Variants in PDE1A observed in about 807,000 individuals in gnomAD.
PDE1A encodes the protein dual specificity calcium/calmodulin-dependent 3',5'-cyclic nucleotide phosphodiesterase 1A.
In PDE1A, 35 loss-of-function variants were observed where a neutral mutation model predicts 61.7. That is an observed-to-expected ratio of 0.57 (90% CI 0.43 to 0.75). PDE1A has a LOEUF of 0.75. PDE1A is among the 30% of genes least tolerant of loss of function. The pLI is 0.00. For synonymous variants in PDE1A, 232 were observed against 213.2 expected (o/e 1.09, Z -0.77); for missense variants, 597 against 630.6 (o/e 0.95, Z 0.57).
chr2:182,639,206 A>G, the PDE1A span, among the ~76,000 whole-genome samples: 3 of 152,234 alleles, frequency 2.0e-5, no homozygotes, highest in African/African-American at 7.2e-5. Context: ...AAGGCAAAAG[A>G]GAAATGGTAA....
chr2:182,551,324 C>T, the PDE1A span, among the ~76,000 whole-genome samples: 1 of 152,016 alleles, frequency 6.6e-6, no homozygotes, highest in African/African-American at 2.4e-5. Context: ...TCATCTTTGC[C>T]AATAATGGGA....
intron 2 of PDE1A, among the ~76,000 whole-genome samples, chr2:182,495,564 C>T (rs1688662576): frequency 6.6e-6 from 1 of 152,174 alleles, no homozygotes; most frequent in Non-Finnish European, 1.5e-5. Flanking sequence ...TGTTTGCTAA[C>T]ATTTTTAAAT....
At chr2:182,432,188 T>TC (rs1366969153) in intron 2 of PDE1A, among the ~76,000 whole-genome samples, 2 of 152,098 alleles carry the variant, frequency 1.3e-5, no homozygotes, top group Admixed American at 1.3e-4. Context: ...TAAGATCCTT[T>TC]CCAGCTCTAA....
intron 2 of PDE1A, among the ~76,000 whole-genome samples, chr2:182,491,098 A>G (rs1688362244): frequency 6.6e-6 from 1 of 152,176 alleles, no homozygotes; most frequent in Non-Finnish European, 1.5e-5. Flanking sequence ...ATTACTTTTA[A>G]AACAGCAACT....
At chr2:182,708,414 T>C in the PDE1A span, among the ~76,000 whole-genome samples, 2 of 152,108 alleles carry the variant, frequency 1.3e-5, no homozygotes, top group African/African-American at 4.8e-5. Context: ...CACAAATATT[T>C]CAGTTAACTA....
chr2:182,255,785 G>A (rs1399733643), intron 2 of PDE1A, among the ~76,000 whole-genome samples: 4 of 151,098 alleles, frequency 2.6e-5, no homozygotes, highest in Non-Finnish European at 5.9e-5. Context: ...ACCCTCCCAA[G>A]TAGCTGGGAC....
intron 11 of PDE1A, 75 bp from the exon 12 acceptor site, chr2:182,186,663 A>T: frequency 7.1e-7 from 1 of 1,414,660 alleles, no homozygotes; most frequent in South Asian, 1.3e-5. Context: ...AATCAGAAAT[A>T]ATGAAGAGCT....
At chr2:182,549,866 C>G in the PDE1A span, among the ~76,000 whole-genome samples, 2 of 152,062 alleles carry the variant, frequency 1.3e-5, no homozygotes, top group South Asian at 2.1e-4. Flanking sequence ...TAAATAGTAA[C>G]ATTTGGTTAA....
intron 2 of PDE1A, among the ~76,000 whole-genome samples, chr2:182,254,889 C>T (rs943334382): frequency 3.9e-5 from 6 of 152,120 alleles, no homozygotes; most frequent in Non-Finnish European, 8.8e-5. Flanking sequence ...AGTTGACCAC[C>T]TATCTTTCTC....
intron 2 of PDE1A, among the ~76,000 whole-genome samples, chr2:182,435,043 G>A (rs1704141058): frequency 6.6e-6 from 1 of 151,868 alleles, no homozygotes; most frequent in Admixed American, 6.6e-5. Context: ...GAGTAGGTAG[G>A]TTAAAGTTTG....
the PDE1A span, among the ~76,000 whole-genome samples, chr2:182,644,916 T>C: frequency 1.3e-5 from 2 of 152,144 alleles, no homozygotes; most frequent in Non-Finnish European, 2.9e-5. Context: ...TATTTCAATT[T>C]TGAAAAGTAT....
downstream of PDE1A, among the ~76,000 whole-genome samples, chr2:182,162,890 A>C (rs897848886): frequency 2.0e-5 from 3 of 152,164 alleles, no homozygotes. Flanking sequence ...CAGCAGACAG[A>C]ATCCCCACAT....
chr2:182,373,771 A>C (rs1700245363), intron 1 of PDE1A, among the ~76,000 whole-genome samples: 1 of 152,216 alleles, frequency 6.6e-6, no homozygotes, highest in Non-Finnish European at 1.5e-5. Flanking sequence ...AGAAGAAGGA[A>C]TTCAGGCAGG....
At chr2:182,645,779 G>C in the PDE1A span, among the ~76,000 whole-genome samples, 1 of 152,116 alleles carries the variant, frequency 6.6e-6, no homozygotes, top group Non-Finnish European at 1.5e-5. Flanking sequence ...CTGTTAATTT[G>C]AAAAGGTAAA....
chr2:182,635,351 AT>A, the PDE1A span, among the ~76,000 whole-genome samples: 1 of 151,996 alleles, frequency 6.6e-6, no homozygotes, highest in Non-Finnish European at 1.5e-5. Flanking sequence ...AATTGTTTAT[AT>A]ATATAATTAA....
In PDE1A at chr2:182,519,860, A is replaced by G. The variant is rs183334561; in HGVS notation, c.101+2416T>C. 3.3e-5 allele frequency among the ~76,000 whole-genome samples: 5 copies of G among 152,010 alleles called. No homozygotes were observed. In the East Asian group the frequency reaches 7.7e-4, roughly 23 times the overall value. Reference sequence around the variant, plus strand: ...CTATTTTTATTTAACCTTAAAATTTACATACTGGAAGCTCAATTAAAAACA... The same window carrying G: ...CTATTTTTATTTAACCTTAAAATTTGCATACTGGAAGCTCAATTAAAAACA... On this transcript the variant is annotated intron_variant, in intron 2 of 14. Transcript: ENST00000410103.
At chr2:182,273,637 C>CTTTTCT (rs1693199051) in intron 1 of PDE1A, among the ~76,000 whole-genome samples, 1 of 151,962 alleles carries the variant, frequency 6.6e-6, no homozygotes, top group Admixed American at 6.5e-5. Flanking sequence ...CTGAATTTAT[C>CTTTTCT]TTTTCTTTTT....
At chr2:182,294,960 G>T (rs1694775681) in intron 1 of PDE1A, among the ~76,000 whole-genome samples, 1 of 150,806 alleles carries the variant, frequency 6.6e-6, no homozygotes, top group African/African-American at 2.4e-5. Context: ...GTAGTGCCCA[G>T]AGCTGAGTGC....
upstream of PDE1A, among the ~76,000 whole-genome samples, chr2:182,526,339 G>A (rs369958134): frequency 6.6e-6 from 1 of 152,080 alleles, no homozygotes; most frequent in South Asian, 2.1e-4. Flanking sequence ...AATTAGAATT[G>A]TAAGGACATT....
Sources: gnomAD v4.1 joint callset for allele counts (sites outside exome capture counted in the v4.1 genomes callset) on GRCh38, gnomAD v4.1.1 for gene constraint, MANE v1.5 for transcripts, NCBI Gene and HGNC (gene_info 2026-07-23, HGNC 2026-07-21) for gene names.